The following LSM14B variants were observed in gnomAD, a reference collection of about 807,000 sequenced individuals.
LSM14B encodes LSM family member 14B, also known as protein LSM14 homolog B.
A neutral mutation model predicts 42.1 loss-of-function variants in LSM14B; 8 were observed. The ratio of observed to expected loss-of-function variants is 0.19; its 90% CI spans 0.11 to 0.34. The LOEUF (loss-of-function observed/expected upper bound fraction) is 0.34. Ranked by LOEUF, LSM14B falls within the 10% of genes least tolerant of loss-of-function variation. The pLI is 1.00. For synonymous variants in LSM14B, 219 were observed against 209.7 expected (o/e 1.04, Z -0.38); for missense variants, 396 against 513.1 (o/e 0.77, Z 2.21).
rs147288677 is a variant in LSM14B at position 62,129,730 on chromosome 20, T to C, written c.428-55T>C. On this transcript the variant is annotated intron_variant, in intron 3 of 8. Coordinates refer to ENST00000279068, the MANE Select transcript of LSM14B (RefSeq NM_144703.3). ...AGCAGAAGAGAAATGCCTGGAGATA[T>C]AAGGCTTGCTTCTTTTCTCTCTGTT... The C allele has an allele frequency of 3.6e-4, 549 of 1,506,794 alleles. 1 individual carries two copies. In the East Asian group the frequency reaches 4.1e-3, roughly 11 times the overall value. 93.3% of individuals were successfully genotyped at this position (1,506,794 alleles called of 1,614,324 possible).
chr20:62,126,487 C>CA, intron 3 of LSM14B, 48 bp downstream of exon 3: 1 of 1,592,256 alleles, frequency 6.3e-7, no homozygotes, highest in Middle Eastern at 2.3e-4. Context: ...GTGTAACTGT[C>CA]ACTGAGTGGA....
Position 62,122,940 on chromosome 20 carries a change from C to T in LSM14B, c.127+147C>T. Reference sequence around the variant, plus strand: ...CAGGGCACACCCGGCCCGAGATCCCCTGCCCGCGCCTTCACCCCGGACGCC... The same window carrying T: ...CAGGGCACACCCGGCCCGAGATCCCTTGCCCGCGCCTTCACCCCGGACGCC... On this transcript the variant is annotated intron_variant, in intron 1 of 8. Coordinates refer to ENST00000279068, the MANE Select transcript of LSM14B (RefSeq NM_144703.3). This position sits in a 1 kb window ranked among gnomAD's most constrained non-coding sequence, Gnocchi z 4.6. The T allele has an allele frequency of 7.4e-6, 5 of 679,462 alleles. No homozygotes were observed. In the South Asian group the frequency reaches 2.5e-4, roughly 34 times the overall value. The allele number at this position is 679,462 out of a possible 1,614,324, so 42.1% of individuals were successfully genotyped here.
intron 8 of LSM14B, among the ~76,000 whole-genome samples, 176 bp from the exon 9 acceptor site, chr20:62,133,987 G>T (rs1406953284): frequency 6.6e-6 from 1 of 152,222 alleles, no homozygotes; most frequent in South Asian, 2.1e-4. Context: ...CACTAGCTGC[G>T]TCCCTGTCCC....
At position 62,122,489 on chromosome 20, in the gene LSM14B, T is replaced by G; in HGVS notation, c.-178T>G. On this transcript the variant is annotated 5_prime_UTR_variant, in exon 1 of 9. Transcript: ENST00000279068. The surrounding 1 kb of genome is among the most constrained non-coding windows in gnomAD (Gnocchi z 4.6). ...CTCAGAGCCCCAGTCGCGCGCCCCT[T>G]CTTGGTTCGCTCGGTGCCCGCGCAG... 1 of 277,654 alleles carries G rather than the reference T, an allele frequency of 3.6e-6. No homozygotes were observed. Among genetic ancestry groups the G allele is most frequent in the Non-Finnish European group, 5.4e-6 (1 of 183,578 alleles). 17.2% of individuals were successfully genotyped at this position (277,654 alleles called of 1,614,324 possible).
At chr20:62,133,748 T>C (rs1398256338) in intron 8 of LSM14B, among the ~76,000 whole-genome samples, 2 of 152,194 alleles carry the variant, frequency 1.3e-5, no homozygotes, top group Admixed American at 6.5e-5. Flanking sequence ...TCGCGTGGGC[T>C]GGGGGCTCAC....
chr20:62,125,178 C>T (rs1055145859), intron 2 of LSM14B, among the ~76,000 whole-genome samples: 1 of 152,208 alleles, frequency 6.6e-6, no homozygotes, highest in Admixed American at 6.5e-5. Flanking sequence ...CACACCCAGC[C>T]TGAGGAATAA....
Position 62,133,495 on chromosome 20 carries a change from G to A in LSM14B, c.*14+20G>A, listed in dbSNP as rs1234712694. On this transcript the variant is annotated intron_variant, in intron 8 of 8. Transcript: ENST00000279068. ...CCAAAGGTGAGTGGATGAACCTTCT[G>A]GACGCTTTGGTGGGAGGGTGTAGGG... The A allele has an allele frequency of 6.2e-7, 1 of 1,601,840 alleles. No individual in the cohort carries two copies. The highest frequency in any genetic ancestry group is 2.2e-5 in the East Asian group (1 of 44,532).
chr20:62,125,238 A>C (rs184730092), intron 2 of LSM14B, among the ~76,000 whole-genome samples: 1 of 152,324 alleles, frequency 6.6e-6, no homozygotes, highest in East Asian at 1.9e-4. Flanking sequence ...TGCTGCTCTC[A>C]CAGAAGGTGT....
intron 3 of LSM14B, among the ~76,000 whole-genome samples, chr20:62,129,473 G>A (rs1229878306): frequency 6.6e-6 from 1 of 152,182 alleles, no homozygotes; most frequent in East Asian, 1.9e-4. Context: ...CTGGGGAGGT[G>A]CCTGTTTGTA....
intron 1 of LSM14B, among the ~76,000 whole-genome samples, chr20:62,123,716 C>T (rs2056491290): frequency 6.6e-6 from 1 of 152,222 alleles, no homozygotes; most frequent in Non-Finnish European, 1.5e-5. Flanking sequence ...CTTGAAGTGT[C>T]TAGACGCGTC....
In LSM14B at chr20:62,124,607, C is replaced by T; in HGVS notation, c.128-10C>T. 1 of 1,611,946 alleles carries T rather than the reference C, an allele frequency of 6.2e-7. No homozygotes were observed. The highest frequency in any genetic ancestry group is 1.3e-5 in the African/African-American group (1 of 75,000). On this transcript the variant is annotated splice_polypyrimidine_tract_variant and intron_variant, in intron 1 of 8. Transcript: ENST00000279068. ...GACAACAATAACGCTTCTCTTTCTC[C>T]ACTCATAAGTGAGGTCCTTTGGCAC...
At chr20:62,124,924 A>G in intron 2 of LSM14B, 144 bp downstream of exon 2, 1 of 923,372 alleles carries the variant, frequency 1.1e-6, no homozygotes, top group Non-Finnish European at 1.6e-6. Context: ...CTGTGTCACC[A>G]GGCTGGAGGT....
chr20:62,134,424 G>T lies in LSM14B; in HGVS notation c.*276G>T. ...CGCATAGCCTAATTCTAAGGTTTTG[G>T]TATTTTGCAAAAAGGTTTCTATAGT... On this transcript the variant is annotated 3_prime_UTR_variant, in exon 9 of 9. Transcript: ENST00000279068. 2 of 334,520 alleles carry T rather than the reference G, an allele frequency of 6.0e-6. No homozygotes were observed. Among genetic ancestry groups the T allele is most frequent in the Non-Finnish European group, 6.1e-6 (1 of 163,486 alleles). The allele number at this position is 334,520 out of a possible 1,614,324, so 20.7% of individuals were successfully genotyped here.
chr20:62,131,234 C>T (rs1213535604), intron 6 of LSM14B, 122 bp from the exon 7 acceptor site: 2 of 1,136,038 alleles, frequency 1.8e-6, no homozygotes, highest in African/African-American at 3.1e-5. Context: ...CTGCTTTGCA[C>T]AAGGCATAGT....
intron 3 of LSM14B, chr20:62,128,979 T>C (rs1018473112): frequency 7.7e-7 from 1 of 1,304,154 alleles, no homozygotes; most frequent in Non-Finnish European, 1.0e-6. Context: ...CACATTGTCC[T>C]GTTTAGAGTC....
Position 62,129,325 on chromosome 20 carries a change from C to T in LSM14B, c.428-460C>T, listed in dbSNP as rs111685763. 9.1e-3 allele frequency among the ~76,000 whole-genome samples: 1,385 copies of T among 152,180 alleles called. 16 individuals are homozygous for T. The highest frequency in any genetic ancestry group is 0.03 in the African/African-American group (1,247 of 41,486). On this transcript the variant is annotated intron_variant, in intron 3 of 8. Transcript: ENST00000279068. ...TGTTCACTGCATTTTCTAGAAAATC[C>T]CAGGCTGGGCTGGTTCTTCTCCAGT...
chr20:62,124,857 C>G, intron 2 of LSM14B, 77 bp downstream of exon 2: 1 of 1,421,502 alleles, frequency 7.0e-7, no homozygotes, highest in South Asian at 1.4e-5. Context: ...CATGTTTGGT[C>G]AGAACGCTCA....
At chr20:62,131,226 G>C in intron 6 of LSM14B, 130 bp from the exon 7 acceptor site, 1 of 1,076,568 alleles carries the variant, frequency 9.3e-7, no homozygotes, top group South Asian at 1.7e-5. Flanking sequence ...AGAGATTTCT[G>C]CTTTGCACAA....
chr20:62,133,547 G>T (rs1044613824), intron 8 of LSM14B, 72 bp downstream of exon 8: 2 of 1,511,180 alleles, frequency 1.3e-6, no homozygotes, highest in African/African-American at 2.9e-5. Flanking sequence ...AGCTTAGGAA[G>T]GTGGGGAGCA....
Sources: gnomAD v4.1 joint callset for allele counts (sites outside exome capture counted in the v4.1 genomes callset) on GRCh38, gnomAD v4.1.1 for gene constraint, Gnocchi (gnomAD v3.1) non-coding constraint, MANE v1.5 for transcripts, NCBI Gene and HGNC (gene_info 2026-07-23, HGNC 2026-07-21) for gene names.